KLHL32: variants seen among roughly 807,000 people sequenced by gnomAD.
KLHL32 encodes kelch-like protein 32.
In KLHL32, 35 loss-of-function variants were observed where a neutral mutation model predicts 64.8. That is an observed-to-expected ratio of 0.54 (90% CI 0.41 to 0.72). The LOEUF (loss-of-function observed/expected upper bound fraction) is 0.72. Ranked by LOEUF, KLHL32 falls within the 30% of genes least tolerant of loss-of-function variation. The probability of loss-of-function intolerance (pLI) is 0.00; values close to 1 mark genes in which losing one functional copy is unlikely to be tolerated. For synonymous variants in KLHL32, 259 were observed against 281.0 expected (o/e 0.92, Z 0.78); for missense variants, 589 against 768.5 (o/e 0.77, Z 2.76).
chr6:97,005,761 G>T (rs1234440169), intron 3 of KLHL32, among the ~76,000 whole-genome samples: 2 of 152,116 alleles, frequency 1.3e-5, no homozygotes, highest in African/African-American at 2.4e-5. Context: ...GTAACAGATT[G>T]TTTAATTTCC....
intron 3 of KLHL32, among the ~76,000 whole-genome samples, chr6:96,985,911 G>T (rs529716796): frequency 6.6e-6 from 1 of 152,296 alleles, no homozygotes; most frequent in African/African-American, 2.4e-5. Context: ...TTCCATTGCT[G>T]GTGAGGAGCT....
At chr6:97,108,919 T>G (rs1252116763) in intron 6 of KLHL32, among the ~76,000 whole-genome samples, 1 of 152,238 alleles carries the variant, frequency 6.6e-6, no homozygotes, top group Non-Finnish European at 1.5e-5. Flanking sequence ...GAATTTCCTC[T>G]GATAAGGCAG....
At chr6:97,032,109 A>G (rs538553631) in intron 3 of KLHL32, among the ~76,000 whole-genome samples, 26 of 152,364 alleles carry the variant, frequency 1.7e-4, no homozygotes, top group African/African-American at 6.0e-4. Flanking sequence ...TAAATTGCCC[A>G]CATGACTAGT....
intron 3 of KLHL32, among the ~76,000 whole-genome samples, chr6:96,985,270 G>T (rs1294328263): frequency 6.6e-6 from 1 of 151,924 alleles, no homozygotes; most frequent in East Asian, 1.9e-4. Flanking sequence ...TCCCTTTGTG[G>T]GTAACCTGGT....
intron 4 of KLHL32, among the ~76,000 whole-genome samples, chr6:97,063,820 T>C (rs567247833): frequency 1.8e-4 from 28 of 152,276 alleles, no homozygotes; most frequent in African/African-American, 6.5e-4. Flanking sequence ...TGGGTTAGAA[T>C]GGAGGGCTGG....
chr6:97,054,704 T>C lies in KLHL32; in HGVS notation c.313-9924T>C, dbSNP rs530514480. 3.3e-5 allele frequency among the ~76,000 whole-genome samples: 5 copies of C among 152,326 alleles called. No individual in the cohort carries two copies. The East Asian group carries it at 9.6e-4, about 29-fold the overall frequency. ...AAAATAATAGGCATTTATTCTATAG[T>C]AATTGAATAGACAGATATAGCACCT... On this transcript the variant is annotated intron_variant, in intron 4 of 10. Coordinates refer to ENST00000369261, the MANE Select transcript of KLHL32 (RefSeq NM_052904.4).
chr6:97,127,264 T>C, intron 7 of KLHL32, 140 bp from the exon 8 acceptor site: 1 of 649,870 alleles, frequency 1.5e-6, no homozygotes, highest in Non-Finnish European at 2.7e-6. Flanking sequence ...AGCTTCTTAA[T>C]TATGTCATGG....
the KLHL32 span, among the ~76,000 whole-genome samples, chr6:96,899,037 G>T: frequency 6.6e-6 from 1 of 152,104 alleles, no homozygotes; most frequent in Non-Finnish European, 1.5e-5. Context: ...AATGAAGAAA[G>T]GGAAAGTTTT....
chr6:96,906,301 A>G, the KLHL32 span, among the ~76,000 whole-genome samples: 1 of 152,238 alleles, frequency 6.6e-6, no homozygotes, highest in African/African-American at 2.4e-5. Context: ...GTGAAGCAAT[A>G]GAAAATGAAT....
chr6:97,137,539 C>CT (rs924063302), intron 10 of KLHL32, among the ~76,000 whole-genome samples: 26 of 150,992 alleles, frequency 1.7e-4, no homozygotes, highest in East Asian at 3.9e-4. Context: ...AAGTTAAAGT[C>CT]TTTTTTTTTC....
chr6:97,034,439 G>A lies in KLHL32; in HGVS notation c.205-7053G>A, dbSNP rs183011214. On this transcript the variant is annotated intron_variant, in intron 3 of 10. Coordinates refer to ENST00000369261, the MANE Select transcript of KLHL32 (RefSeq NM_052904.4). ...GCTTTGTAATATATTTTGAAATCAG[G>A]AAGTGTGATGCCTCCAGCATGTTCT... Among the ~76,000 whole-genome samples the A allele has an allele frequency of 3.3e-5, 5 of 152,192 alleles. No homozygotes were observed. The East Asian group carries it at 5.8e-4, about 18-fold the overall frequency.
intron 7 of KLHL32, among the ~76,000 whole-genome samples, chr6:97,118,445 C>A (rs1798030964): frequency 6.6e-6 from 1 of 151,850 alleles, no homozygotes; most frequent in African/African-American, 2.4e-5. Flanking sequence ...ATGGTGAAAC[C>A]CCATCTCTAC....
intron 3 of KLHL32, among the ~76,000 whole-genome samples, chr6:97,037,741 C>T (rs1272634690): frequency 1.3e-5 from 2 of 151,928 alleles, no homozygotes; most frequent in African/African-American, 4.8e-5. Flanking sequence ...GCAAAAAGAA[C>T]AAAGACATTA....
intron 1 of KLHL32, among the ~76,000 whole-genome samples, chr6:96,943,036 T>TAC (rs113696398): frequency 0.037 from 5,458 of 146,388 alleles, 140 homozygotes; most frequent in Middle Eastern, 0.07. Flanking sequence ...ATGCTCCCTC[T>TAC]ACACACACAC....
rs1487250334 is a variant in KLHL32, at chr6:97,140,568, TGTGA to T, written c.*1289_*1292del. 2 of 152,030 alleles carry T rather than the reference TGTGA, an allele frequency of 1.3e-5. No homozygotes were observed. The highest frequency in any genetic ancestry group is 2.4e-5 in the African/African-American group (1 of 41,460). The allele number at this position is 152,030 out of a possible 1,614,324, so 9.4% of individuals were successfully genotyped here. A position where few individuals can be genotyped will look rare whatever the true frequency, so the allele number is the denominator to read the frequency against. ...TTGAAAACAAATTTAACAAGTATAA[TGTGA>T]GTTTTTCTTTTTTCCTAACTTCCTC... On this transcript the variant is annotated 3_prime_UTR_variant, in exon 11 of 11. Transcript: ENST00000369261.
intron 3 of KLHL32, among the ~76,000 whole-genome samples, chr6:96,978,105 C>G (rs1047582274): frequency 6.6e-6 from 1 of 152,068 alleles, no homozygotes; most frequent in African/African-American, 2.4e-5. Flanking sequence ...GTTAACTTCT[C>G]TCTACTTAGG....
chr6:96,993,560 G>A (rs1778119418), intron 3 of KLHL32, among the ~76,000 whole-genome samples: 2 of 152,196 alleles, frequency 1.3e-5, no homozygotes, highest in East Asian at 1.9e-4. Context: ...CATTTTAAGA[G>A]GGTGTACAAA....
chr6:96,904,820 G>C, the KLHL32 span, among the ~76,000 whole-genome samples: 1 of 152,168 alleles, frequency 6.6e-6, no homozygotes, highest in Non-Finnish European at 1.5e-5. Flanking sequence ...ATTATGTACA[G>C]GGCAACATTT....
the KLHL32 span, among the ~76,000 whole-genome samples, chr6:96,899,313 T>C: frequency 6.6e-6 from 1 of 152,224 alleles, no homozygotes; most frequent in African/African-American, 2.4e-5. Flanking sequence ...CAGGGCTTTT[T>C]AGGCACGGTA....
Sources: allele counts gnomAD v4.1 joint callset (sites outside exome capture counted in the v4.1 genomes callset), GRCh38; gene constraint gnomAD v4.1.1; transcripts MANE v1.5; gene names NCBI Gene and HGNC (gene_info 2026-07-23, HGNC 2026-07-21).